ZBBX: variants seen among roughly 807,000 people sequenced by gnomAD.
The protein encoded by ZBBX is zinc finger B-box domain-containing protein 1.
A neutral mutation model predicts 108.5 loss-of-function variants in ZBBX; 101 were observed. The ratio of observed to expected loss-of-function variants is 0.93; its 90% CI spans 0.79 to 1.10. ZBBX has a LOEUF of 1.10. ZBBX is among the 50% of genes least tolerant of loss of function. The pLI, the probability that ZBBX is intolerant of heterozygous loss-of-function variation, is 0.00. For missense variants in ZBBX, 1,009 were observed against 941.4 expected (o/e 1.07, Z -0.94); for synonymous variants, 356 against 323.4 (o/e 1.10, Z -1.08).
intron 11 of ZBBX, among the ~76,000 whole-genome samples, chr3:167,323,381 C>T (rs1178623652): frequency 6.6e-6 from 1 of 151,970 alleles, no homozygotes. Context: ...CACTTTTCTC[C>T]CTTACCAATG....
the ZBBX span, among the ~76,000 whole-genome samples, chr3:167,198,853 G>C: frequency 3.3e-5 from 5 of 152,144 alleles, no homozygotes; most frequent in Non-Finnish European, 7.3e-5. Flanking sequence ...AGTTTGGGTA[G>C]GTCTTTAATT....
At chr3:167,382,818 C>T (rs1747793825), upstream of ZBBX, among the ~76,000 whole-genome samples, 2 of 151,912 alleles carry the variant, frequency 1.3e-5, no homozygotes, top group African/African-American at 4.8e-5. Flanking sequence ...GATTTTTTCA[C>T]CTGCATTTTT....
At chr3:167,258,359 T>G (rs892017539) in intron 20 of ZBBX, among the ~76,000 whole-genome samples, 1 of 152,140 alleles carries the variant, frequency 6.6e-6, no homozygotes, top group Non-Finnish European at 1.5e-5. Context: ...CCATTTTGAT[T>G]TGATTTTTGT....
At chr3:167,391,152 A>C (rs758567110) in intron 1 of ZBBX, among the ~76,000 whole-genome samples, 1 of 152,126 alleles carries the variant, frequency 6.6e-6, no homozygotes, top group Non-Finnish European at 1.5e-5. Context: ...ATTTTGAGAT[A>C]TGTTCCATGC....
At chr3:167,360,642 T>C (rs371790890) in intron 7 of ZBBX, 33 bp downstream of exon 7, 48 of 1,221,426 alleles carry the variant, frequency 3.9e-5, no homozygotes, top group East Asian at 2.8e-4. Context: ...GGGATGTCTT[T>C]AGCATTTATT....
At chr3:167,378,484 G>A (rs997447690) in intron 2 of ZBBX, among the ~76,000 whole-genome samples, 2 of 152,204 alleles carry the variant, frequency 1.3e-5, no homozygotes, top group African/African-American at 4.8e-5. Context: ...TTGTGTGATA[G>A]AAATCTCTGA....
chr3:167,253,171 T>C (rs1191163999), intron 20 of ZBBX, among the ~76,000 whole-genome samples: 1 of 152,240 alleles, frequency 6.6e-6, no homozygotes, highest in East Asian at 1.9e-4. Context: ...ACAATTGACA[T>C]AATAACTTTG....
At chr3:167,238,919 G>C (rs1241830382), downstream of ZBBX, among the ~76,000 whole-genome samples, 2 of 151,930 alleles carry the variant, frequency 1.3e-5, no homozygotes, top group Non-Finnish European at 2.9e-5. Context: ...TGGCTGTATT[G>C]GGTTCTCCAG....
chr3:167,287,690 A>C (rs918461018), intron 19 of ZBBX, among the ~76,000 whole-genome samples: 1 of 152,122 alleles, frequency 6.6e-6, no homozygotes, highest in African/African-American at 2.4e-5. Context: ...ATTTGTTTTC[A>C]TCAATATACA....
At chr3:167,370,318 C>T (rs184059972) in intron 4 of ZBBX, among the ~76,000 whole-genome samples, 12 of 152,036 alleles carry the variant, frequency 7.9e-5, no homozygotes, top group Admixed American at 2.0e-4. Context: ...AGAGAGGGAA[C>T]AAGGAAGAAA....
At chr3:167,228,959 A>G in the ZBBX span, among the ~76,000 whole-genome samples, 2 of 151,768 alleles carry the variant, frequency 1.3e-5, no homozygotes, top group African/African-American at 2.4e-5. Flanking sequence ...TACAACTTGA[A>G]AAAATAGACT....
the ZBBX span, among the ~76,000 whole-genome samples, chr3:167,221,862 A>C: frequency 6.6e-6 from 1 of 152,024 alleles, no homozygotes; most frequent in Non-Finnish European, 1.5e-5. Flanking sequence ...AACTACAATG[A>C]AATACCATCT....
At chr3:167,256,992 A>T (rs761904893) in intron 20 of ZBBX, among the ~76,000 whole-genome samples, 34 of 152,168 alleles carry the variant, frequency 2.2e-4, no homozygotes, top group Non-Finnish European at 3.5e-4. Context: ...TACACCCAGC[A>T]GTGGGATTAA....
chr3:167,213,509 A>T, the ZBBX span, among the ~76,000 whole-genome samples: 1 of 152,188 alleles, frequency 6.6e-6, no homozygotes, highest in African/African-American at 2.4e-5. Flanking sequence ...AATAATAAAA[A>T]GCAAGGAACA....
chr3:167,185,896 G>C, the ZBBX span, among the ~76,000 whole-genome samples: 2 of 151,750 alleles, frequency 1.3e-5, no homozygotes, highest in Admixed American at 1.3e-4. Flanking sequence ...TGGACATTTG[G>C]GCTATATTAA....
At chr3:167,247,341 G>A (rs1044670355) in intron 20 of ZBBX, among the ~76,000 whole-genome samples, 2 of 152,176 alleles carry the variant, frequency 1.3e-5, no homozygotes, top group Admixed American at 1.3e-4. Context: ...TTTGGCTAGG[G>A]CAGTCGGAGG....
intron 20 of ZBBX, among the ~76,000 whole-genome samples, chr3:167,260,320 TC>T (rs1197643773): frequency 6.6e-6 from 1 of 152,178 alleles, no homozygotes; most frequent in African/African-American, 2.4e-5. Context: ...TAGGTGAAGA[TC>T]TTTTTGCAGT....
the ZBBX span, among the ~76,000 whole-genome samples, chr3:167,203,463 A>G: frequency 6.6e-6 from 1 of 152,146 alleles, no homozygotes; most frequent in Non-Finnish European, 1.5e-5. Flanking sequence ...GCAGAAAAAA[A>G]TTTCTCTGTG....
At chr3:167,250,541 T>TA (rs1455226734) in intron 20 of ZBBX, among the ~76,000 whole-genome samples, 1 of 151,650 alleles carries the variant, frequency 6.6e-6, no homozygotes, top group Non-Finnish European at 1.5e-5. Context: ...ACTTTTTTTT[T>TA]TTTTTACTCT....
Sources: gnomAD v4.1 joint callset for allele counts (sites outside exome capture counted in the v4.1 genomes callset) on GRCh38, gnomAD v4.1.1 for gene constraint, MANE v1.5 for transcripts, NCBI Gene and HGNC (gene_info 2026-07-23, HGNC 2026-07-21) for gene names.